The following RANGAP1 variants were observed in gnomAD, a reference collection of about 807,000 sequenced individuals.
The protein encoded by RANGAP1 is Ran GTPase activating protein 1.
RANGAP1 carries 38 observed loss-of-function variants against 63.5 expected under a neutral mutation model. The ratio of observed to expected loss-of-function variants is 0.60; its 90% CI spans 0.46 to 0.78. The LOEUF (loss-of-function observed/expected upper bound fraction) is 0.78. Among genes scored for constraint, RANGAP1 ranks in the 30% least tolerant of loss-of-function variants. RANGAP1 has a pLI of 0.00. For missense variants in RANGAP1, 630 were observed against 740.3 expected (o/e 0.85, Z 1.73); for synonymous variants, 329 against 310.5 (o/e 1.06, Z -0.63).
chr22:41,285,412 G>A, intron 1 of RANGAP1: 1 of 776,278 alleles, frequency 1.3e-6, no homozygotes, highest in South Asian at 5.8e-5. Flanking sequence ...ATTTGTCCAA[G>A]GTCAGCAAAG....
chr22:41,254,569 G>T (rs1338626845), intron 10 of RANGAP1, 75 bp from the exon 11 acceptor site: 19 of 1,501,624 alleles, frequency 1.3e-5, no homozygotes, highest in Non-Finnish European at 1.6e-5. Context: ...GGCTCCATGA[G>T]CCCAGAGACC....
intron 4 of RANGAP1, among the ~76,000 whole-genome samples, chr22:41,266,011 G>A (rs1007012316): frequency 2.0e-5 from 3 of 151,980 alleles, no homozygotes; most frequent in Non-Finnish European, 4.4e-5. Flanking sequence ...GACCATCCTG[G>A]CTAACACAGT....
chr22:41,267,275 C>A (rs1052616120), intron 4 of RANGAP1, among the ~76,000 whole-genome samples: 3 of 151,936 alleles, frequency 2.0e-5, no homozygotes, highest in African/African-American at 4.8e-5. Context: ...GAGGCTGATG[C>A]GGGAGGACTG....
intron 1 of RANGAP1, among the ~76,000 whole-genome samples, chr22:41,283,578 ATAGT>A (rs1178686633): frequency 1.3e-5 from 2 of 152,210 alleles, no homozygotes; most frequent in African/African-American, 2.4e-5. Context: ...TTATTAGGAA[ATAGT>A]TAAATAAAGA....
At chr22:41,254,201 G>T in intron 11 of RANGAP1, 107 bp downstream of exon 11, 2 of 1,189,098 alleles carry the variant, frequency 1.7e-6, no homozygotes, top group South Asian at 1.4e-5. Flanking sequence ...AAAAATGTTT[G>T]TGGCTACTGT....
At chr22:41,295,178 A>G in the RANGAP1 span, among the ~76,000 whole-genome samples, 1 of 150,550 alleles carries the variant, frequency 6.6e-6, no homozygotes, top group Admixed American at 6.6e-5. Flanking sequence ...CTGCCCGGCC[A>G]CCACCCCGTC....
Position 41,269,033 on chromosome 22 carries a change from G to T in RANGAP1, c.241-877C>A, listed in dbSNP as rs543379340. Among the ~76,000 whole-genome samples the T allele has an allele frequency of 8.5e-5, 13 of 152,292 alleles. No individual in the cohort carries two copies. In the South Asian group the frequency reaches 2.5e-3, roughly 29 times the overall value. Reference sequence around the variant, plus strand: ...ATTTCCTTTATTGTAAGGAATGTCAGCTTTCCATTCATAGAAGTGCTTTGA... The same window carrying T: ...ATTTCCTTTATTGTAAGGAATGTCATCTTTCCATTCATAGAAGTGCTTTGA... On this transcript the variant is annotated intron_variant, in intron 3 of 15. Transcript: ENST00000356244.
chr22:41,255,867 T>C (rs1363982145), intron 10 of RANGAP1, among the ~76,000 whole-genome samples, 154 bp downstream of exon 10: 4 of 151,938 alleles, frequency 2.6e-5, no homozygotes, highest in Non-Finnish European at 5.9e-5. Context: ...GGCAGGGGAA[T>C]CACTTGAACC....
At position 41,252,931 on chromosome 22, in the gene RANGAP1, G is replaced by A. The variant is rs2033571162; in HGVS notation, c.1321C>T (p.Pro441Ser). ...PADVSTFLAF[P>S]SPEKLLRLGP... The stretch of plus-strand genomic sequence containing the variant: ...AGGCGCAGCAGCTTCTCTGGAGAGG[G>A]AAAAGCCAGGAAGGTGGAGACGTCT... The change falls in exon 12 of 16, where the codon CCC becomes TCC. Residue 441 changes from proline (P) to serine (S), a missense_variant. By Grantham distance (74) the Pro-to-Ser change is moderately conservative. This residue lies in a region of RANGAP1 where 428 missense variants were observed against 465.5 expected (regional missense o/e 0.92). Transcript: ENST00000356244. 2 of 1,558,168 alleles carry A rather than the reference G, an allele frequency of 1.3e-6. No homozygotes were observed. Among genetic ancestry groups the A allele is most frequent in the Admixed American group, 4.0e-5 (2 of 50,174 alleles).
At chr22:41,276,362 G>A (rs185956063) in intron 2 of RANGAP1, among the ~76,000 whole-genome samples, 3 of 152,194 alleles carry the variant, frequency 2.0e-5, no homozygotes, top group African/African-American at 7.2e-5. Context: ...AATGGGCTGG[G>A]AGTAGTGGCT....
intron 4 of RANGAP1, among the ~76,000 whole-genome samples, chr22:41,267,339 T>TA (rs1483682675): frequency 2.6e-5 from 4 of 150,986 alleles, no homozygotes; most frequent in Non-Finnish European, 5.9e-5. Context: ...ACCCTGTCTT[T>TA]AAAAAAAAAT....
At chr22:41,283,536 A>G (rs1402343747) in intron 1 of RANGAP1, among the ~76,000 whole-genome samples, 1 of 152,108 alleles carries the variant, frequency 6.6e-6, no homozygotes, top group Non-Finnish European at 1.5e-5. Flanking sequence ...CAACAACAAC[A>G]AAAAGGCATT....
chr22:41,265,493 T>C (rs118090668), intron 4 of RANGAP1, among the ~76,000 whole-genome samples: 354 of 152,286 alleles, frequency 2.3e-3, no homozygotes, highest in Non-Finnish European at 4.0e-3. Flanking sequence ...TGCCTGTTCA[T>C]GGAGCAGGGG....
At chr22:41,298,496 G>A in the RANGAP1 span, among the ~76,000 whole-genome samples, 1 of 151,910 alleles carries the variant, frequency 6.6e-6, no homozygotes, top group Admixed American at 6.6e-5. Flanking sequence ...TGTATTTTTC[G>A]TAGAGATGGG....
rs1216947177 is a variant in RANGAP1 at position 41,257,847 on chromosome 22, G to A, written c.774+101C>T. On this transcript the variant is annotated intron_variant, in intron 7 of 15. Transcript: ENST00000356244. The surrounding 1 kb of genome is among the most constrained non-coding windows in gnomAD (Gnocchi z 4.0). ...GCACACACCCAGGGGGCAGGCAGGG[G>A]GTAGAGGAGTCCCTGCTAAACGGAG... 5 of 1,361,560 alleles carry A rather than the reference G, an allele frequency of 3.7e-6. No individual in the cohort carries two copies. The East Asian group carries it at 9.7e-5, about 26-fold the overall frequency. 84.3% of individuals were successfully genotyped at this position (1,361,560 alleles called of 1,614,324 possible). A position where few individuals can be genotyped will look rare whatever the true frequency, so the allele number is the denominator to read the frequency against.
intron 3 of RANGAP1, among the ~76,000 whole-genome samples, chr22:41,269,875 C>G (rs2034696471): frequency 6.6e-6 from 1 of 152,126 alleles, no homozygotes; most frequent in African/African-American, 2.4e-5. Context: ...CCTGTCGCAC[C>G]CAGGCTGGAG....
At chr22:41,298,856 AT>A in the RANGAP1 span, among the ~76,000 whole-genome samples, 1 of 152,130 alleles carries the variant, frequency 6.6e-6, no homozygotes, top group Admixed American at 6.6e-5. Flanking sequence ...CATGGACTGG[AT>A]GGCTTAAGCA....
intron 1 of RANGAP1, chr22:41,285,539 C>G: frequency 1.0e-6 from 1 of 985,496 alleles, no homozygotes; most frequent in Non-Finnish European, 1.2e-6. Flanking sequence ...TCAGCAGTGA[C>G]TCACATCGAT....
the RANGAP1 span, among the ~76,000 whole-genome samples, chr22:41,291,665 G>A: frequency 2.7e-5 from 4 of 150,606 alleles, no homozygotes; most frequent in Admixed American, 6.6e-5. Context: ...TTGGGGGGCC[G>A]AGGCGGGTGG....
Sources: allele counts gnomAD v4.1 joint callset (sites outside exome capture counted in the v4.1 genomes callset), GRCh38; gene constraint gnomAD v4.1.1; regional missense constraint gnomAD v4.1.1; non-coding constraint Gnocchi (gnomAD v3.1); transcripts MANE v1.5; gene names NCBI Gene and HGNC (gene_info 2026-07-23, HGNC 2026-07-21).